The following CDH23 variants were observed in gnomAD, a reference collection of about 807,000 sequenced individuals.
CDH23 encodes cadherin-23.
Under a neutral mutation model 317.1 loss-of-function variants are expected in CDH23, and 189 were observed. The ratio of observed to expected loss-of-function variants is 0.60; its 90% confidence interval spans 0.53 to 0.67. The LOEUF (loss-of-function observed/expected upper bound fraction) is 0.67. Ranked by LOEUF, CDH23 falls within the 30% of genes least tolerant of loss-of-function variation. CDH23 has a pLI of 0.00. For missense variants in CDH23, 4,401 were observed against 4,592.4 expected (o/e 0.96, Z 1.20); for synonymous variants, 1,839 against 1,876.8 (o/e 0.98, Z 0.52).
chr10:71,588,916 G>C (rs555125504), intron 9 of CDH23, among the ~76,000 whole-genome samples: 1 of 152,298 alleles, frequency 6.6e-6, no homozygotes, highest in East Asian at 1.9e-4. Context: ...TGGATTGTCT[G>C]CTCATCCCCC....
At chr10:71,482,255 TC>T (rs1852107340) in intron 3 of CDH23, among the ~76,000 whole-genome samples, 1 of 152,086 alleles carries the variant, frequency 6.6e-6, no homozygotes, top group Non-Finnish European at 1.5e-5. Flanking sequence ...TCTGTCTCTT[TC>T]CCTCCCCTTC....
chr10:71,706,003 G>A (rs147470670), intron 25 of CDH23, among the ~76,000 whole-genome samples: 1 of 152,246 alleles, frequency 6.6e-6, no homozygotes, highest in African/African-American at 2.4e-5. Flanking sequence ...CTTGCCTGTG[G>A]GTTTCTGTTG....
At chr10:71,510,427 G>A (rs746133707) in intron 4 of CDH23, among the ~76,000 whole-genome samples, 2 of 152,104 alleles carry the variant, frequency 1.3e-5, no homozygotes, top group Non-Finnish European at 2.9e-5. Context: ...GGCTAGAGGT[G>A]TCTCCAAGCA....
At chr10:71,431,455 C>T (rs187539116) in intron 1 of CDH23, among the ~76,000 whole-genome samples, 16 of 152,294 alleles carry the variant, frequency 1.1e-4, no homozygotes, top group East Asian at 5.8e-4. Flanking sequence ...GGCTTTGAAG[C>T]GTGGTCATCG....
chr10:71,397,055 G>C lies in CDH23; in HGVS notation c.-269G>C, dbSNP rs1347982729. 6.5e-6 allele frequency: 1 copy of C among 154,512 alleles called. No homozygotes were observed. Among genetic ancestry groups the C allele is most frequent in the Non-Finnish European group, 1.4e-5 (1 of 69,996 alleles). 9.6% of individuals were successfully genotyped at this position (154,512 alleles called of 1,614,324 possible). A position where few individuals can be genotyped will look rare whatever the true frequency, so the allele number is the denominator to read the frequency against. On this transcript the variant is annotated 5_prime_UTR_variant, in exon 1 of 70. Coordinates refer to ENST00000224721, the MANE Select transcript of CDH23 (RefSeq NM_022124.6). The surrounding 1 kb of genome is among the most constrained non-coding windows in gnomAD (Gnocchi z 4.8). ...GGCTAGTCAGCCCGGCCTGGGCATG[G>C]AGCGCGGGGTGGCAGAGCCTCTGGA... is the stretch of plus-strand genomic sequence containing the variant.
intron 3 of CDH23, among the ~76,000 whole-genome samples, chr10:71,451,788 G>A (rs528639202): frequency 1.2e-4 from 19 of 152,346 alleles, no homozygotes; most frequent in African/African-American, 4.6e-4. Flanking sequence ...GTGTCCCCAG[G>A]GCCTAGCCCT....
Position 71,798,405 on chromosome 10 carries a change from AG to A in CDH23, c.6882del (p.Lys2294AsnfsTer79), listed in dbSNP as rs1349012367. 6.2e-7 allele frequency: 1 copy of A among 1,613,842 alleles called. No homozygotes were observed. The highest frequency in any genetic ancestry group is 2.2e-5 in the East Asian group (1 of 44,892). ...LDVNDNTPQFKPFGITYYMER... is the reference protein window; with the variant it reads ...LDVNDNTPQFXPFGITYYMER... ...GTCAATGACAATACGCCCCAGTTCA[AG>A]CCCTTTGGGATCACCTACTACATGG... On this transcript the variant is annotated frameshift_variant, in exon 50 of 70. Transcript: ENST00000224721. LOFTEE classifies it high-confidence loss of function.
chr10:71,810,705 G>C (rs1841889364), intron 62 of CDH23, 136 bp downstream of exon 62: 2 of 778,830 alleles, frequency 2.6e-6, no homozygotes. Context: ...CTCCCAGACT[G>C]GGGCAGGGCT....
intron 9 of CDH23, among the ~76,000 whole-genome samples, chr10:71,612,997 C>T (rs1320093962): frequency 6.6e-6 from 1 of 152,158 alleles, no homozygotes; most frequent in African/African-American, 2.4e-5. Context: ...TACAGGCATG[C>T]GCCACCACAC....
intron 38 of CDH23, among the ~76,000 whole-genome samples, chr10:71,772,674 T>C (rs1000491513): frequency 2.6e-5 from 4 of 152,230 alleles, no homozygotes; most frequent in African/African-American, 9.6e-5. Flanking sequence ...AAGGGGCTCA[T>C]AGCTGAGCTG....
At chr10:71,575,049 G>A (rs1858088867) in intron 8 of CDH23, among the ~76,000 whole-genome samples, 1 of 152,126 alleles carries the variant, frequency 6.6e-6, no homozygotes. Context: ...AGAGAGAGAG[G>A]GGGAACCTTG....
At chr10:71,556,955 C>T (rs1352495129) in intron 6 of CDH23, among the ~76,000 whole-genome samples, 3 of 152,160 alleles carry the variant, frequency 2.0e-5, no homozygotes, top group Non-Finnish European at 4.4e-5. Context: ...GGAGCATGCA[C>T]CCTACTCTTA....
chr10:71,799,480 C>G lies in CDH23; in HGVS notation c.7225-12C>G. ...CTTGGCCTACTCTCTCTCCCTGCCC[C>G]CTGGGCTCCAGGAGGCTGTCTTTGA... On this transcript the variant is annotated splice_polypyrimidine_tract_variant and intron_variant, in intron 51 of 69. Coordinates refer to ENST00000224721, the MANE Select transcript of CDH23 (RefSeq NM_022124.6). The G allele has an allele frequency of 6.2e-7, 1 of 1,614,010 alleles. No homozygotes were observed. Among genetic ancestry groups the G allele is most frequent in the Non-Finnish European group, 8.5e-7 (1 of 1,179,896 alleles).
intron 11 of CDH23, among the ~76,000 whole-genome samples, chr10:71,635,526 C>T (rs755776293): frequency 1.3e-4 from 20 of 152,084 alleles, no homozygotes; most frequent in Non-Finnish European, 2.1e-4. Context: ...GAGGCAGCCT[C>T]GGATTGATCC....
At chr10:71,630,368 G>A (rs1861948188) in intron 11 of CDH23, among the ~76,000 whole-genome samples, 1 of 151,942 alleles carries the variant, frequency 6.6e-6, no homozygotes, top group Non-Finnish European at 1.5e-5. Flanking sequence ...GTGGGGGTGG[G>A]TGAATTGACC....
At chr10:71,792,094 C>A (rs1232494225) in intron 47 of CDH23, among the ~76,000 whole-genome samples, 3 of 152,010 alleles carry the variant, frequency 2.0e-5, no homozygotes, top group Non-Finnish European at 2.9e-5. Flanking sequence ...AATATGGGCA[C>A]AAGACTCCAG....
In CDH23 at chr10:71,710,131, G is replaced by A. The variant is rs138279779; in HGVS notation, c.3220+920G>A. On this transcript the variant is annotated intron_variant, in intron 27 of 69. Transcript: ENST00000224721. ...TTCAAGATGAGATCTGGGTGGGGAC[G>A]CAAAGCCAAACCATATCAGTTGGCT... Among the ~76,000 whole-genome samples, 474 of 152,268 alleles carry A rather than the reference G, an allele frequency of 3.1e-3. 2 individuals are homozygous for A. Among genetic ancestry groups the A allele is most frequent in the African/African-American group, 0.011 (450 of 41,556 alleles).
At chr10:71,399,120 C>A (rs553130804) in intron 1 of CDH23, among the ~76,000 whole-genome samples, 1 of 152,320 alleles carries the variant, frequency 6.6e-6, no homozygotes, top group East Asian at 1.9e-4. Flanking sequence ...TTATTTGAGC[C>A]AAGTATTTTA....
At chr10:71,632,263 C>A (rs1162286854) in intron 11 of CDH23, among the ~76,000 whole-genome samples, 1 of 152,186 alleles carries the variant, frequency 6.6e-6, no homozygotes, top group African/African-American at 2.4e-5. Flanking sequence ...ATCCTTCTCT[C>A]CACCGTCATT....
Sources: gnomAD v4.1 joint callset for allele counts (sites outside exome capture counted in the v4.1 genomes callset) on GRCh38, gnomAD v4.1.1 for gene constraint, Gnocchi (gnomAD v3.1) non-coding constraint, MANE v1.5 for transcripts, NCBI Gene and HGNC (gene_info 2026-07-23, HGNC 2026-07-21) for gene names.